MAP3K13: variants seen among roughly 807,000 people sequenced by gnomAD.
MAP3K13 encodes leucine zipper-bearing kinase.
Under a neutral mutation model 104.0 loss-of-function variants are expected in MAP3K13, and 52 were observed. The ratio of observed to expected loss-of-function variants is 0.50; its 90% CI spans 0.40 to 0.63. The LOEUF is 0.63. Among genes scored for constraint, MAP3K13 ranks in the 20% least tolerant of loss-of-function variants. The pLI is 0.00. For synonymous variants in MAP3K13, 394 were observed against 442.2 expected (o/e 0.89, Z 1.37); for missense variants, 914 against 1,218.5 (o/e 0.75, Z 3.72).
chr3:185,364,159 T>A (rs1723765781), intron 1 of MAP3K13, among the ~76,000 whole-genome samples: 1 of 152,230 alleles, frequency 6.6e-6, no homozygotes, highest in African/African-American at 2.4e-5. Flanking sequence ...TTTATTCCAC[T>A]GTGTTGGGGA....
chr3:185,471,369 C>T (rs570840515), intron 10 of MAP3K13, among the ~76,000 whole-genome samples: 1 of 133,608 alleles, frequency 7.5e-6, no homozygotes, highest in Admixed American at 8.5e-5. Flanking sequence ...TGGTCTCAAA[C>T]TCCTGGCCTC....
intron 9 of MAP3K13, among the ~76,000 whole-genome samples, chr3:185,466,282 T>C (rs1266458643): frequency 6.6e-6 from 1 of 152,072 alleles, no homozygotes; most frequent in African/African-American, 2.4e-5. Flanking sequence ...CATTGTATTA[T>C]GTTGGGGAAA....
Position 185,484,744 on chromosome 3 carries a change from A to G in MAP3K13, c.*2288A>G, listed in dbSNP as rs1718641389. 1 of 152,238 alleles carries G rather than the reference A, an allele frequency of 6.6e-6. No homozygotes were observed. Among genetic ancestry groups the G allele is most frequent in the African/African-American group, 2.4e-5 (1 of 41,460 alleles). 9.4% of individuals were successfully genotyped at this position (152,238 alleles called of 1,614,324 possible). A position where few individuals can be genotyped will look rare whatever the true frequency, so the allele number is the denominator to read the frequency against. On this transcript the variant is annotated 3_prime_UTR_variant, in exon 14 of 14. Transcript: ENST00000265026. ...TGTAAAAATTCTGTAGCTGGACTAC[A>G]TGAAAGATCTTAAGTTATGGCATTA...
At chr3:185,332,421 A>C (rs1273144141) in intron 2 of MAP3K13, among the ~76,000 whole-genome samples, 1 of 152,240 alleles carries the variant, frequency 6.6e-6, no homozygotes, top group Non-Finnish European at 1.5e-5. Context: ...ATCCTATAAC[A>C]TAGGTAACCA....
intron 2 of MAP3K13, among the ~76,000 whole-genome samples, chr3:185,300,566 A>G (rs534345932): frequency 6.7e-6 from 1 of 149,982 alleles, no homozygotes; most frequent in East Asian, 2.0e-4. Context: ...ATCTCGGCTC[A>G]CTGCAACCTC....
At chr3:185,341,002 C>A (rs867173204) in intron 2 of MAP3K13, among the ~76,000 whole-genome samples, 1 of 151,200 alleles carries the variant, frequency 6.6e-6, no homozygotes, top group African/African-American at 2.4e-5. Context: ...TTCATATTAA[C>A]TTAACTAATG....
chr3:185,346,716 T>C (rs1722936452), intron 2 of MAP3K13, among the ~76,000 whole-genome samples: 1 of 152,216 alleles, frequency 6.6e-6, no homozygotes, highest in Admixed American at 6.5e-5. Flanking sequence ...TTAAGCCTAC[T>C]GATACCTATT....
In MAP3K13 at chr3:185,456,570, T is replaced by C. The variant is rs577263347; in HGVS notation, c.1278+5175T>C. ...AGGAAATCTTTCGAACTTTAAGATA[T>C]GGTTGCAATCACAGCTTTGCTTCTC... On this transcript the variant is annotated intron_variant, in intron 7 of 13. Transcript: ENST00000265026. Among the ~76,000 whole-genome samples the C allele has an allele frequency of 8.6e-5, 13 of 151,004 alleles. 2 individuals are homozygous for C. The South Asian group carries it at 2.7e-3, about 32-fold the overall frequency.
At chr3:185,381,934 C>A (rs1361518003) in intron 1 of MAP3K13, among the ~76,000 whole-genome samples, 1 of 152,176 alleles carries the variant, frequency 6.6e-6, no homozygotes, top group Non-Finnish European at 1.5e-5. Context: ...GTTCAGTGCT[C>A]ACTGAGGCTT....
In MAP3K13 at chr3:185,473,164, C is replaced by A. The variant is rs1273636127; in HGVS notation, c.1833C>A (p.Ala611=). ...DFAAILKNQP[A]QENSPHPTYL... ...CCGCAATCTTGAAAAACCAGCCAGCCCAGGAAAATTCACCCCATCCCACTT... is the reference window on the plus strand; with the variant it reads ...CCGCAATCTTGAAAAACCAGCCAGCACAGGAAAATTCACCCCATCCCACTT... The change falls in exon 11 of 14, where the codon GCC becomes GCA. Residue 611 remains alanine, a synonymous_variant. Coordinates refer to ENST00000265026, the MANE Select transcript of MAP3K13 (RefSeq NM_004721.5). This position sits in a 1 kb window ranked among gnomAD's most constrained non-coding sequence, Gnocchi z 4.9. 4 of 1,614,150 alleles carry A rather than the reference C, an allele frequency of 2.5e-6. No homozygotes were observed. The Admixed American group carries it at 6.7e-5, about 27-fold the overall frequency.
intron 1 of MAP3K13, among the ~76,000 whole-genome samples, chr3:185,391,084 C>T (rs1416174394): frequency 6.6e-6 from 1 of 152,146 alleles, no homozygotes; most frequent in African/African-American, 2.4e-5. Context: ...ATAACATTTA[C>T]AGTTTTAGCC....
At chr3:185,344,514 C>A (rs1339793644) in intron 2 of MAP3K13, among the ~76,000 whole-genome samples, 3 of 152,118 alleles carry the variant, frequency 2.0e-5, no homozygotes, top group Non-Finnish European at 4.4e-5. Flanking sequence ...CAGTAGATAC[C>A]AAACTGAATA....
At chr3:185,405,444 C>T (rs1255103228) in intron 1 of MAP3K13, among the ~76,000 whole-genome samples, 1 of 152,248 alleles carries the variant, frequency 6.6e-6, no homozygotes, top group Non-Finnish European at 1.5e-5. Flanking sequence ...CCTATAGTTA[C>T]AGCAGTGCTG....
intron 2 of MAP3K13, among the ~76,000 whole-genome samples, chr3:185,345,239 A>G (rs1047023778): frequency 3.3e-5 from 5 of 151,908 alleles, no homozygotes; most frequent in Non-Finnish European, 1.5e-5. Context: ...ACACACACAC[A>G]TACACACACA....
chr3:185,447,362 G>A lies in MAP3K13; in HGVS notation c.852-427G>A, dbSNP rs565694441. On this transcript the variant is annotated intron_variant, in intron 4 of 13. Coordinates refer to ENST00000265026, the MANE Select transcript of MAP3K13 (RefSeq NM_004721.5). Reference sequence around the variant, plus strand: ...AAAAATTAGCTGGGCATGGTGGCAGGTGCCTGTAATTGCAGCTACTTGGGA... The same window carrying A: ...AAAAATTAGCTGGGCATGGTGGCAGATGCCTGTAATTGCAGCTACTTGGGA... 2.5e-3 allele frequency among the ~76,000 whole-genome samples: 379 copies of A among 151,636 alleles called. 4 individuals carry two copies. Among genetic ancestry groups the A allele is most frequent in the East Asian group, 3.7e-3 (19 of 5,138 alleles).
At chr3:185,447,981 G>C (rs773357243) in intron 5 of MAP3K13, 34 bp downstream of exon 5, 2 of 1,587,664 alleles carry the variant, frequency 1.3e-6, no homozygotes, top group Admixed American at 1.8e-5. Flanking sequence ...CAACTAAAAA[G>C]CCTTTTCCCA....
chr3:185,365,106 A>C (rs1180593339), intron 1 of MAP3K13, among the ~76,000 whole-genome samples: 1 of 152,216 alleles, frequency 6.6e-6, no homozygotes, highest in African/African-American at 2.4e-5. Flanking sequence ...AAAGAAATAC[A>C]GTATGTACTT....
chr3:185,378,404 G>GA (rs1485913001), intron 1 of MAP3K13, among the ~76,000 whole-genome samples: 1 of 152,094 alleles, frequency 6.6e-6, no homozygotes, highest in Non-Finnish European at 1.5e-5. Context: ...TTGGGATAAA[G>GA]AAAAAAGAGC....
intron 2 of MAP3K13, among the ~76,000 whole-genome samples, chr3:185,341,708 G>T (rs1722729060): frequency 6.6e-6 from 1 of 152,206 alleles, no homozygotes; most frequent in Non-Finnish European, 1.5e-5. Context: ...TAAAGAAGGA[G>T]CAAGAGGCTT....
Sources: allele counts gnomAD v4.1 joint callset (sites outside exome capture counted in the v4.1 genomes callset), GRCh38; gene constraint gnomAD v4.1.1; non-coding constraint Gnocchi (gnomAD v3.1); transcripts MANE v1.5; gene names NCBI Gene and HGNC (gene_info 2026-07-23, HGNC 2026-07-21).